Variants in EPG5 observed in about 807,000 individuals in gnomAD.
The protein encoded by EPG5 is ectopic P-granules 5 autophagy tethering factor.
A neutral mutation model predicts 302.7 loss-of-function variants in EPG5; 159 were observed. That is an observed-to-expected ratio of 0.53 (90% CI 0.46 to 0.60). EPG5 has a LOEUF of 0.60. Ranked by LOEUF, EPG5 falls within the 20% of genes least tolerant of loss-of-function variation. The pLI is 0.00. For synonymous variants in EPG5, 1,158 were observed against 1,136.8 expected, an observed-to-expected ratio of 1.02 and a Z score of -0.37; for missense variants, 2,896 against 3,092.4, an observed-to-expected ratio of 0.94 and a Z score of 1.51.
chr18:45,930,170 C>G (rs2050367579), intron 12 of EPG5, among the ~76,000 whole-genome samples: 4 of 152,156 alleles, frequency 2.6e-5, no homozygotes, highest in Non-Finnish European at 1.5e-5. Flanking sequence ...GGATCTCCTC[C>G]CAGCCTGTAA....
At chr18:45,950,092 A>G (rs1053545930) in intron 4 of EPG5, among the ~76,000 whole-genome samples, 3 of 152,240 alleles carry the variant, frequency 2.0e-5, no homozygotes, top group Non-Finnish European at 4.4e-5. Flanking sequence ...TTCTCTTAAA[A>G]GAAACATTTT....
intron 34 of EPG5, among the ~76,000 whole-genome samples, 167 bp from the exon 35 acceptor site, chr18:45,876,509 T>C (rs1307075388): frequency 6.6e-6 from 1 of 152,190 alleles, no homozygotes; most frequent in Non-Finnish European, 1.5e-5. Flanking sequence ...AATTGTAGCT[T>C]GTAACACCAG....
At chr18:45,825,290 G>A in the EPG5 span, among the ~76,000 whole-genome samples, 8 of 149,086 alleles carry the variant, frequency 5.4e-5, no homozygotes, top group East Asian at 1.6e-3. Flanking sequence ...GAAGAAGGGA[G>A]GGAGAAAGGG....
At position 45,909,271 on chromosome 18, in the gene EPG5, T is replaced by C. The variant is rs116152997; in HGVS notation, c.4206-1190A>G. Among the ~76,000 whole-genome samples, 11 of 152,244 alleles carry C rather than the reference T, an allele frequency of 7.2e-5. No individual in the cohort carries two copies. In the East Asian group the frequency reaches 1.7e-3, roughly 24 times the overall value. The stretch of plus-strand genomic sequence containing the variant: ...AATAGATGGCCACTTTATGAACACA[T>C]ACCAGGAGGGGGATATAACAGAGGC... On this transcript the variant is annotated intron_variant, in intron 23 of 43. Coordinates refer to ENST00000282041, the MANE Select transcript of EPG5 (RefSeq NM_020964.3).
At chr18:45,907,734 A>G in intron 24 of EPG5, 1 of 399,698 alleles carries the variant, frequency 2.5e-6, no homozygotes, top group Non-Finnish European at 4.3e-6. Context: ...GCCCTAGAAC[A>G]AGCTTCAAGC....
chr18:45,891,314 C>T (rs1269058205), intron 27 of EPG5, among the ~76,000 whole-genome samples: 7 of 151,850 alleles, frequency 4.6e-5, no homozygotes, highest in Non-Finnish European at 8.8e-5. Flanking sequence ...GCCTGGCCAA[C>T]GTGGTGAAAC....
intron 32 of EPG5, 42 bp from the exon 33 acceptor site, chr18:45,879,256 A>G (rs2049039284): frequency 2.1e-6 from 3 of 1,422,238 alleles, no homozygotes; most frequent in African/African-American, 1.4e-5. Context: ...CTAAATATGT[A>G]TTTTAGTAAA....
chr18:45,870,435 C>G, intron 36 of EPG5, 132 bp downstream of exon 36: 1 of 659,460 alleles, frequency 1.5e-6, no homozygotes, highest in Non-Finnish European at 2.3e-6. Context: ...ACAGGCACCA[C>G]CGAGGCAACA....
intron 16 of EPG5, among the ~76,000 whole-genome samples, chr18:45,918,023 T>G (rs936962151): frequency 1.3e-5 from 2 of 152,246 alleles, no homozygotes; most frequent in African/African-American, 2.4e-5. Flanking sequence ...TTTCATTGTA[T>G]GGATGAGGAA....
the EPG5 span, among the ~76,000 whole-genome samples, chr18:45,834,628 T>C: frequency 6.6e-6 from 1 of 152,238 alleles, no homozygotes; most frequent in East Asian, 1.9e-4. Flanking sequence ...ATTATGTGCC[T>C]ACAAATCTGT....
chr18:45,821,712 G>C, the EPG5 span, among the ~76,000 whole-genome samples: 27 of 152,284 alleles, frequency 1.8e-4, no homozygotes, highest in Admixed American at 5.2e-4. Flanking sequence ...TTCATCCTCT[G>C]CAAGGGGTTA....
At chr18:45,838,657 G>A in the EPG5 span, 587 of 1,459,004 alleles carry the variant, frequency 4.0e-4, 7 homozygotes, top group South Asian at 7.8e-3. Context: ...TCCGGCTCTG[G>A]CGTCCAAAGG....
At chr18:45,826,317 T>C in the EPG5 span, among the ~76,000 whole-genome samples, 1 of 152,056 alleles carries the variant, frequency 6.6e-6, no homozygotes, top group Admixed American at 6.6e-5. Flanking sequence ...TAAGCAACAA[T>C]GTCATCAGTC....
intron 35 of EPG5, among the ~76,000 whole-genome samples, chr18:45,872,040 T>C (rs1240086967): frequency 6.6e-6 from 1 of 152,234 alleles, no homozygotes; most frequent in Non-Finnish European, 1.5e-5. Context: ...CATCAATGTA[T>C]ATAATTATGA....
chr18:45,906,173 C>T (rs149004609), intron 24 of EPG5, among the ~76,000 whole-genome samples: 2,073 of 152,296 alleles, frequency 0.014, 48 homozygotes, highest in African/African-American at 0.047. Flanking sequence ...GGCACCCCCT[C>T]TTCCAGGGTT....
chr18:45,956,679 C>T (rs1289101949), intron 1 of EPG5, among the ~76,000 whole-genome samples: 2 of 151,974 alleles, frequency 1.3e-5, no homozygotes, highest in African/African-American at 2.4e-5. Context: ...GTGATCCGTC[C>T]GCCTCAGCCT....
chr18:45,867,106 T>C, intron 37 of EPG5, 99 bp from the exon 38 acceptor site: 2 of 794,004 alleles, frequency 2.5e-6, no homozygotes, highest in Non-Finnish European at 4.2e-6. Flanking sequence ...AGATGGCCTA[T>C]GGTAAGCACA....
At chr18:45,926,780 C>G (rs2050279429) in intron 13 of EPG5, among the ~76,000 whole-genome samples, 1 of 150,608 alleles carries the variant, frequency 6.6e-6, no homozygotes, top group Admixed American at 6.6e-5. Flanking sequence ...CCACTGCACT[C>G]CAGCCTGGGT....
intron 42 of EPG5, among the ~76,000 whole-genome samples, chr18:45,857,307 C>T (rs1351926852): frequency 6.6e-6 from 1 of 151,974 alleles, no homozygotes; most frequent in Non-Finnish European, 1.5e-5. Flanking sequence ...AACGGGGTTT[C>T]ACCATGTTGG....
Sources: gnomAD v4.1 joint callset for allele counts (sites outside exome capture counted in the v4.1 genomes callset) on GRCh38, gnomAD v4.1.1 for gene constraint, MANE v1.5 for transcripts, NCBI Gene and HGNC (gene_info 2026-07-23, HGNC 2026-07-21) for gene names.